The following SMIM14 variants were observed in gnomAD, a reference collection of about 807,000 sequenced individuals.
SMIM14 encodes chromosome 4 open reading frame 34.
A neutral mutation model predicts 12.6 loss-of-function variants in SMIM14; 5 were observed. That is an observed-to-expected ratio of 0.40 (90% CI 0.21 to 0.83). SMIM14 has a LOEUF of 0.83. Among genes scored for constraint, SMIM14 ranks in the 40% least tolerant of loss-of-function variants. SMIM14 has a pLI of 0.37. For synonymous variants in SMIM14, 30 were observed against 40.1 expected (o/e 0.75, Z 0.95); for missense variants, 86 against 119.1 (o/e 0.72, Z 1.29).
intron 1 of SMIM14, among the ~76,000 whole-genome samples, chr4:39,608,743 TTAA>T (rs1448978813): frequency 6.6e-6 from 1 of 152,208 alleles, no homozygotes; most frequent in East Asian, 1.9e-4. Context: ...GTGAATGTAA[TTAA>T]TGTCACCAAA....
chr4:39,573,078 T>TTTATTATTA (rs200155307), intron 2 of SMIM14, among the ~76,000 whole-genome samples: 39 of 149,998 alleles, frequency 2.6e-4, no homozygotes, highest in African/African-American at 9.3e-4. Flanking sequence ...TGTTTTGGTT[T>TTTATTATTA]TTATTATTAT....
intron 3 of SMIM14, among the ~76,000 whole-genome samples, chr4:39,571,957 C>T (rs1259229687): frequency 6.6e-6 from 1 of 151,910 alleles, no homozygotes; most frequent in Admixed American, 6.6e-5. Flanking sequence ...GCATGCACCA[C>T]CATGCCCCAC....
intron 2 of SMIM14, among the ~76,000 whole-genome samples, chr4:39,584,884 T>A (rs1480965746): frequency 6.6e-6 from 1 of 151,740 alleles, no homozygotes; most frequent in African/African-American, 2.4e-5. Context: ...ATATTTTGAA[T>A]GTCTAACACT....
intron 1 of SMIM14, among the ~76,000 whole-genome samples, chr4:39,633,881 C>T (rs769815492): frequency 6.6e-6 from 1 of 152,196 alleles, no homozygotes; most frequent in African/African-American, 2.4e-5. Context: ...CTGGTAGGCT[C>T]TCAGCACTCA....
chr4:39,621,724 G>C (rs1578365052), intron 1 of SMIM14, among the ~76,000 whole-genome samples: 1 of 111,822 alleles, frequency 8.9e-6, no homozygotes, highest in Non-Finnish European at 1.7e-5. Context: ...AAAGGCTCTT[G>C]CTCTGTCACC....
chr4:39,573,470 T>C (rs919326550), intron 2 of SMIM14, among the ~76,000 whole-genome samples: 1 of 152,170 alleles, frequency 6.6e-6, no homozygotes, highest in Admixed American at 6.6e-5. Context: ...CAGAATACTC[T>C]GAGGGGCTGT....
intron 2 of SMIM14, among the ~76,000 whole-genome samples, chr4:39,580,858 A>G (rs190105438): frequency 1.3e-5 from 2 of 152,176 alleles, no homozygotes; most frequent in East Asian, 3.9e-4. Flanking sequence ...GTTTCAAACT[A>G]TGAAAAAGAT....
chr4:39,595,409 TGGGGGGA>T (rs1167567408), intron 2 of SMIM14, among the ~76,000 whole-genome samples: 1 of 68,490 alleles, frequency 1.5e-5, no homozygotes, highest in Non-Finnish European at 2.6e-5. Context: ...TGTTGTGGGG[TGGGGGGA>T]GGGGGGAGGG....
chr4:39,626,846 A>C (rs1715721231), intron 1 of SMIM14, among the ~76,000 whole-genome samples: 1 of 152,196 alleles, frequency 6.6e-6, no homozygotes, highest in Admixed American at 6.5e-5. Context: ...ATTTCTCTGC[A>C]ACACATGATT....
chr4:39,605,094 C>A lies in SMIM14; in HGVS notation c.52G>T (p.Ala18Ser). ...ACCAGATTGATCAGTCTTCTCATTGCATGTTCATGAGAGCAAACACATTCA... is the reference window on the plus strand; with the variant it reads ...ACCAGATTGATCAGTCTTCTCATTGAATGTTCATGAGAGCAAACACATTCA... ...PCECVCSHEHAMRRLINLLRQ... is the reference protein window; with the variant it reads ...PCECVCSHEHSMRRLINLLRQ... The change falls in exon 2 of 5, where the codon GCA becomes TCA. Residue 18 changes from alanine (A) to serine (S), a missense_variant. Coordinates refer to ENST00000295958, the MANE Select transcript of SMIM14 (RefSeq NM_174921.3). 1 of 1,608,320 alleles carries A rather than the reference C, an allele frequency of 6.2e-7. No individual in the cohort carries two copies. Among genetic ancestry groups the A allele is most frequent in the Non-Finnish European group, 8.5e-7 (1 of 1,176,910 alleles).
chr4:39,580,821 A>G (rs1713458356), intron 2 of SMIM14, among the ~76,000 whole-genome samples: 2 of 152,078 alleles, frequency 1.3e-5, no homozygotes, highest in Admixed American at 1.3e-4. Flanking sequence ...TACCGCACCC[A>G]GCCCCTGTCT....
chr4:39,613,156 C>A (rs868712409), intron 1 of SMIM14, among the ~76,000 whole-genome samples: 3 of 152,164 alleles, frequency 2.0e-5, no homozygotes, highest in African/African-American at 7.2e-5. Context: ...AAATCTTAGT[C>A]ATCATCATCT....
intron 1 of SMIM14, among the ~76,000 whole-genome samples, chr4:39,636,649 TG>T (rs1347816503): frequency 6.6e-6 from 1 of 152,102 alleles, no homozygotes; most frequent in Non-Finnish European, 1.5e-5. Context: ...GAGACCAGCC[TG>T]GACAACACAG....
At chr4:39,603,421 T>C (rs1714688700) in intron 2 of SMIM14, among the ~76,000 whole-genome samples, 1 of 151,788 alleles carries the variant, frequency 6.6e-6, no homozygotes, top group African/African-American at 2.4e-5. Flanking sequence ...TAGCTGGGCA[T>C]GGGGGCGGGC....
chr4:39,624,864 T>G (rs1454475568), intron 1 of SMIM14, among the ~76,000 whole-genome samples: 1 of 149,880 alleles, frequency 6.7e-6, no homozygotes, highest in African/African-American at 2.5e-5. Context: ...AACGAAATAC[T>G]TTTCTCTTAA....
chr4:39,633,031 C>T (rs987950025), intron 1 of SMIM14, among the ~76,000 whole-genome samples: 4 of 151,856 alleles, frequency 2.6e-5, no homozygotes, highest in Non-Finnish European at 4.4e-5. Flanking sequence ...CAGTGGCTCA[C>T]GCCTGTAATC....
intron 2 of SMIM14, among the ~76,000 whole-genome samples, chr4:39,597,604 C>T (rs1412157322): frequency 1.3e-5 from 2 of 151,926 alleles, no homozygotes; most frequent in Non-Finnish European, 2.9e-5. Flanking sequence ...CCACCACACC[C>T]AGCTAATTTT....
At chr4:39,560,299 G>C (rs2109989266) in intron 3 of SMIM14, among the ~76,000 whole-genome samples, 1 of 145,546 alleles carries the variant, frequency 6.9e-6, no homozygotes, top group African/African-American at 2.6e-5. Context: ...CCAGGCTGGA[G>C]TGCAGTGGCG....
intron 3 of SMIM14, among the ~76,000 whole-genome samples, chr4:39,561,579 C>T (rs1712308132): frequency 1.3e-5 from 2 of 152,082 alleles, no homozygotes; most frequent in Non-Finnish European, 2.9e-5. Context: ...ACCTCAGATT[C>T]CAAGTTTACT....
Sources: gnomAD v4.1 joint callset for allele counts (sites outside exome capture counted in the v4.1 genomes callset) on GRCh38, gnomAD v4.1.1 for gene constraint, MANE v1.5 for transcripts, NCBI Gene and HGNC (gene_info 2026-07-23, HGNC 2026-07-21) for gene names.